The following RECK variants were observed in gnomAD, a reference collection of about 807,000 sequenced individuals.
The protein encoded by RECK is reversion inducing cysteine rich protein with kazal motifs, also known as reversion-inducing cysteine-rich protein with Kazal motifs.
RECK carries 69 observed loss-of-function variants against 115.1 expected under a neutral mutation model. The ratio of observed to expected loss-of-function variants is 0.60; its 90% CI spans 0.49 to 0.73. The LOEUF is 0.73. RECK is among the 30% of genes least tolerant of loss of function. RECK has a pLI of 0.00. For missense variants in RECK, 1,047 were observed against 1,203.7 expected (o/e 0.87, Z 1.93); for synonymous variants, 414 against 419.7 (o/e 0.99, Z 0.17).
chr9:36,073,359 T>G (rs1300835388), intron 6 of RECK, among the ~76,000 whole-genome samples: 3 of 151,952 alleles, frequency 2.0e-5, no homozygotes, highest in African/African-American at 7.3e-5. Context: ...GCACATCAAC[T>G]TAAATGCCTG....
intron 12 of RECK, among the ~76,000 whole-genome samples, chr9:36,102,946 A>C (rs1194137131): frequency 1.4e-5 from 2 of 146,294 alleles, no homozygotes; most frequent in Non-Finnish European, 3.0e-5. Context: ...ACAGAGCAAG[A>C]CTCTGTCTAA....
intron 13 of RECK, among the ~76,000 whole-genome samples, chr9:36,106,530 G>A (rs928113731): frequency 2.0e-5 from 3 of 151,622 alleles, no homozygotes; most frequent in African/African-American, 4.8e-5. Flanking sequence ...GAGCCACTGC[G>A]CCCGGCCTTA....
chr9:36,116,950 A>T (rs775282567), intron 16 of RECK, 35 bp from the exon 17 acceptor site: 44 of 1,565,990 alleles, frequency 2.8e-5, no homozygotes, highest in Non-Finnish European at 1.7e-6. Flanking sequence ...GTCCCTCCCT[A>T]CATTGGCTCA....
At chr9:36,099,802 A>G (rs1823494735) in intron 10 of RECK, among the ~76,000 whole-genome samples, 1 of 152,122 alleles carries the variant, frequency 6.6e-6, no homozygotes, top group Admixed American at 6.6e-5. Context: ...GGCGAAATTA[A>G]TCTATGGTGA....
chr9:36,121,373 C>T (rs923381876), intron 19 of RECK, among the ~76,000 whole-genome samples, 160 bp from the exon 20 acceptor site: 1 of 152,208 alleles, frequency 6.6e-6, no homozygotes, highest in African/African-American at 2.4e-5. Context: ...TTGTGATGGA[C>T]TGGAGATTCA....
intron 10 of RECK, among the ~76,000 whole-genome samples, chr9:36,096,080 A>G (rs1361689128): frequency 6.6e-6 from 1 of 150,944 alleles, no homozygotes; most frequent in Non-Finnish European, 1.5e-5. Context: ...AAAAAAAAAA[A>G]AAAAAAATTT....
At chr9:36,121,497 TC>T (rs1196384826) in intron 19 of RECK, 35 bp from the exon 20 acceptor site, 7 of 1,596,262 alleles carry the variant, frequency 4.4e-6, no homozygotes, top group Non-Finnish European at 6.0e-6. Flanking sequence ...TAGGAATTCT[TC>T]TTTTTTTCAG....
chr9:36,068,373 G>A lies in RECK; in HGVS notation c.405+2749G>A, dbSNP rs1160523203. ...TCAGGGAGATAATCTAATCTTTTAA[G>A]CCTAGTTTCCTGGCATTCATTTACT... On this transcript the variant is annotated intron_variant, in intron 6 of 20. Coordinates refer to ENST00000377966, the MANE Select transcript of RECK (RefSeq NM_021111.3). 2.0e-5 allele frequency among the ~76,000 whole-genome samples: 3 copies of A among 152,160 alleles called. 1 individual carries two copies. Among genetic ancestry groups the A allele is most frequent in the Non-Finnish European group, 4.4e-5 (3 of 68,028 alleles).
At chr9:36,091,924 G>A (rs1325891029) in intron 10 of RECK, among the ~76,000 whole-genome samples, 3 of 152,126 alleles carry the variant, frequency 2.0e-5, no homozygotes, top group Non-Finnish European at 4.4e-5. Flanking sequence ...CCATACAGAA[G>A]CAAGAGAGAG....
rs1441727525 is a variant in RECK, at chr9:36,063,758, A to G, written c.272-37A>G. 3.1e-6 allele frequency: 5 copies of G among 1,591,730 alleles called. No homozygotes were observed. In the East Asian group the frequency reaches 9.0e-5, roughly 29 times the overall value. On this transcript the variant is annotated intron_variant, in intron 4 of 20. Transcript: ENST00000377966. ...TGGCATGCTATCTCTTTTTATTGCT[A>G]CTTATGACCAAAACATTTAAACATT...
chr9:36,046,476 T>A (rs1005243233), intron 1 of RECK, among the ~76,000 whole-genome samples: 2 of 152,216 alleles, frequency 1.3e-5, no homozygotes, highest in African/African-American at 4.8e-5. Context: ...AAGAAAAATG[T>A]GTGCAGATAC....
Position 36,112,314 on chromosome 9 carries a change from G to A in RECK, c.1898G>A (p.Cys633Tyr). The A allele has an allele frequency of 1.2e-6, 2 of 1,613,134 alleles. No individual in the cohort carries two copies. Among genetic ancestry groups the A allele is most frequent in the Non-Finnish European group, 1.7e-6 (2 of 1,179,906 alleles). ...TGTTTCCTCTCCTCAGGTCTGCCCTGTAACTGTGCAGATCAGTTTGTCCCT... is the reference window on the plus strand; with the variant it reads ...TGTTTCCTCTCCTCAGGTCTGCCCTATAACTGTGCAGATCAGTTTGTCCCT... Reference protein sequence around the residue: ...DDRRTFTGLPCNCADQFVPVC... With the variant: ...DDRRTFTGLPYNCADQFVPVC... The change falls in exon 16 of 21, where the codon TGT (cysteine) becomes TAT (tyrosine). Residue 633 changes from cysteine (C) to tyrosine (Y), a missense_variant. Cys to Tyr is a radical substitution (Grantham distance 194, BLOSUM62 -2). Transcript: ENST00000377966.
At chr9:36,102,667 T>C (rs1461095155) in intron 12 of RECK, among the ~76,000 whole-genome samples, 1 of 152,052 alleles carries the variant, frequency 6.6e-6, no homozygotes, top group Non-Finnish European at 1.5e-5. Flanking sequence ...AAAAAAATGA[T>C]AGTCTAGGCC....
At chr9:36,064,543 T>G (rs1370670837) in intron 5 of RECK, among the ~76,000 whole-genome samples, 1 of 152,306 alleles carries the variant, frequency 6.6e-6, no homozygotes, top group East Asian at 1.9e-4. Context: ...TTGGAAAGCC[T>G]TCTCTTATTT....
At chr9:36,119,245 T>G (rs10116121) in intron 18 of RECK, among the ~76,000 whole-genome samples, 14,076 of 152,224 alleles carry the variant, frequency 0.092, 786 homozygotes, top group East Asian at 0.28. Flanking sequence ...AAAGCAGTAT[T>G]CAATTATGAA....
intron 1 of RECK, among the ~76,000 whole-genome samples, chr9:36,047,824 A>T (rs1341605864): frequency 6.6e-6 from 1 of 151,636 alleles, no homozygotes; most frequent in Non-Finnish European, 1.5e-5. Flanking sequence ...AAAAAAAAAA[A>T]AAGGCTAGCT....
rs150634032 is a variant in RECK, at chr9:36,078,772, G to T, written c.406-1833G>T. ...AAAAAGCCAAACCAAAGGGAACAAA[G>T]ATCTTATTAGAAGGAAAAGAGCAAT... On this transcript the variant is annotated intron_variant, in intron 6 of 20. Transcript: ENST00000377966. 9.5e-3 allele frequency among the ~76,000 whole-genome samples: 1,440 copies of T among 152,238 alleles called. 15 individuals are homozygous for T. The highest frequency in any genetic ancestry group is 0.034 in the Middle Eastern group (10 of 294).
At chr9:36,100,605 C>T in intron 11 of RECK, 62 bp downstream of exon 11, 1 of 1,239,686 alleles carries the variant, frequency 8.1e-7, no homozygotes. Flanking sequence ...GATCTCTAGC[C>T]AGAGCCTCTC....
At chr9:36,099,538 GT>G (rs1366959185) in intron 10 of RECK, among the ~76,000 whole-genome samples, 1 of 151,940 alleles carries the variant, frequency 6.6e-6, no homozygotes, top group Non-Finnish European at 1.5e-5. Flanking sequence ...TCAACATGGG[GT>G]ATTCCTTTAT....
Sources: allele counts gnomAD v4.1 joint callset (sites outside exome capture counted in the v4.1 genomes callset), GRCh38; gene constraint gnomAD v4.1.1; transcripts MANE v1.5; gene names NCBI Gene and HGNC (gene_info 2026-07-23, HGNC 2026-07-21).